Variants in XKR4 observed in about 807,000 individuals in gnomAD.
The protein encoded by XKR4 is XK related 4.
In XKR4, 12 loss-of-function variants were observed where a neutral mutation model predicts 53.9. The observed-to-expected ratio is 0.22, with a 90% CI of 0.14 to 0.36. The LOEUF is 0.36. Among genes scored for constraint, XKR4 ranks in the 10% least tolerant of loss-of-function variants. The pLI is 1.00. For missense variants in XKR4, 799 were observed against 859.5 expected, an observed-to-expected ratio of 0.93 and a Z score of 0.88; for synonymous variants, 354 against 362.4, an observed-to-expected ratio of 0.98 and a Z score of 0.26.
chr8:55,463,924 A>T (rs966239221), intron 2 of XKR4, among the ~76,000 whole-genome samples: 6 of 152,178 alleles, frequency 3.9e-5, no homozygotes, highest in Non-Finnish European at 8.8e-5. Context: ...AGACTAAACC[A>T]GGAGGAAGTT....
intron 1 of XKR4, among the ~76,000 whole-genome samples, chr8:55,210,698 G>C (rs2129363692): frequency 6.6e-6 from 1 of 152,324 alleles, no homozygotes; most frequent in Non-Finnish European, 1.5e-5. Context: ...CACAGGGTGA[G>C]GTTTAGAGCA....
In XKR4 at chr8:55,531,282, G is replaced by T. The variant is rs1437788710; in HGVS notation, c.*7055G>T. The T allele has an allele frequency of 1.3e-5, 2 of 152,166 alleles. No individual in the cohort carries two copies. The highest frequency in any genetic ancestry group is 4.8e-5 in the African/African-American group (2 of 41,434). 9.4% of individuals were successfully genotyped at this position (152,166 alleles called of 1,614,324 possible). The stretch of plus-strand genomic sequence containing the variant: ...CCTAGGCTACAAACCTGTACAGCAT[G>T]CTACTGTACCGAATACTGTAGGCAA... On this transcript the variant is annotated 3_prime_UTR_variant, in exon 3 of 3. Coordinates refer to ENST00000327381, the MANE Select transcript of XKR4 (RefSeq NM_052898.2).
chr8:55,474,827 C>T (rs371985427), intron 2 of XKR4, among the ~76,000 whole-genome samples: 16 of 152,220 alleles, frequency 1.1e-4, no homozygotes, highest in African/African-American at 3.9e-4. Context: ...TATATCTGGA[C>T]ACCCAGGCAC....
At chr8:55,338,282 T>C (rs951304822) in intron 1 of XKR4, among the ~76,000 whole-genome samples, 13 of 152,222 alleles carry the variant, frequency 8.5e-5, no homozygotes, top group Non-Finnish European at 1.6e-4. Context: ...AATAAAGTTA[T>C]TGATTCACTT....
chr8:55,437,776 G>A (rs1330253440), intron 2 of XKR4, among the ~76,000 whole-genome samples: 2 of 152,158 alleles, frequency 1.3e-5, no homozygotes, highest in East Asian at 3.8e-4. Flanking sequence ...ATTTAGATAT[G>A]TGAACAACAA....
At chr8:55,393,426 G>GGAAA (rs1804471175) in intron 2 of XKR4, among the ~76,000 whole-genome samples, 1 of 52,498 alleles carries the variant, frequency 1.9e-5, no homozygotes, top group African/African-American at 3.7e-5. Flanking sequence ...AAGGAAGGAA[G>GGAAA]GAAGGAAGGA....
chr8:55,527,089 A>G lies in XKR4; in HGVS notation c.*2862A>G, dbSNP rs534081267. 6.6e-6 allele frequency: 1 copy of G among 152,362 alleles called. No homozygotes were observed. Among genetic ancestry groups the G allele is most frequent in the East Asian group, 1.9e-4 (1 of 5,190 alleles). 9.4% of individuals were successfully genotyped at this position (152,362 alleles called of 1,614,324 possible). On this transcript the variant is annotated 3_prime_UTR_variant, in exon 3 of 3. Coordinates refer to ENST00000327381, the MANE Select transcript of XKR4 (RefSeq NM_052898.2). ...GCCTTGCTTCCATGATTCAGGAAGC[A>G]CTACACTGCCATCAGACTGTTGTGG...
At chr8:55,504,931 A>AT (rs1170197083) in intron 2 of XKR4, among the ~76,000 whole-genome samples, 1 of 152,028 alleles carries the variant, frequency 6.6e-6, no homozygotes, top group African/African-American at 2.4e-5. Context: ...GATTTTAATA[A>AT]TTGAGGTTCT....
rs532404316 is a variant in XKR4, at chr8:55,190,123, C to T, written c.806+86829C>T. On this transcript the variant is annotated intron_variant, in intron 1 of 2. Transcript: ENST00000327381. ...ATTTTGAGATGACTTTTTACTGGAG[C>T]ATGTCTATGAATGGAGCCTGTGAAG... is the stretch of plus-strand genomic sequence containing the variant. Among the ~76,000 whole-genome samples the T allele has an allele frequency of 2.0e-5, 3 of 152,258 alleles. No individual in the cohort carries two copies. The South Asian group carries it at 6.2e-4, about 32-fold the overall frequency.
intron 1 of XKR4, among the ~76,000 whole-genome samples, chr8:55,281,764 A>G (rs561268943): frequency 2.0e-5 from 3 of 152,324 alleles, no homozygotes; most frequent in Non-Finnish European, 2.9e-5. Flanking sequence ...AAAATCCCCA[A>G]ATGAAATCCT....
chr8:55,102,905 C>A lies in XKR4; in HGVS notation c.417C>A (p.Arg139=), dbSNP rs371460599. The A allele has an allele frequency of 6.2e-7, 1 of 1,612,076 alleles. No homozygotes were observed. The change falls in exon 1 of 3, where the codon CGC becomes CGA. Residue 139 remains arginine (R), a synonymous_variant. Transcript: ENST00000327381. The surrounding 1 kb of genome is among the most constrained non-coding windows in gnomAD (Gnocchi z 5.1). Reference sequence around the variant, plus strand: ...GGCTCGCCGTGGACTACTACCTGCGCGGCCAGCGCTGGTGGTTCGGGCTCA... The same window carrying A: ...GGCTCGCCGTGGACTACTACCTGCGAGGCCAGCGCTGGTGGTTCGGGCTCA... ...DVWLAVDYYL[R]GQRWWFGLTL...
chr8:55,467,306 C>A (rs962532294), intron 2 of XKR4, among the ~76,000 whole-genome samples: 1 of 152,098 alleles, frequency 6.6e-6, no homozygotes, highest in African/African-American at 2.4e-5. Context: ...TTAGACCAGC[C>A]CCACTGAGGA....
intron 2 of XKR4, among the ~76,000 whole-genome samples, chr8:55,479,770 C>A (rs1253898700): frequency 6.6e-6 from 1 of 152,142 alleles, no homozygotes; most frequent in African/African-American, 2.4e-5. Context: ...ACTATAAACA[C>A]CTCTACACAA....
chr8:55,357,090 A>C (rs1372784930), intron 1 of XKR4, among the ~76,000 whole-genome samples: 1 of 152,208 alleles, frequency 6.6e-6, no homozygotes, highest in Non-Finnish European at 1.5e-5. Flanking sequence ...GAGAGTCAAA[A>C]ATTATATGCA....
chr8:55,304,039 G>A (rs1340921845), intron 1 of XKR4, among the ~76,000 whole-genome samples: 2 of 152,028 alleles, frequency 1.3e-5, no homozygotes, highest in African/African-American at 2.4e-5. Context: ...CCTTCTGCTA[G>A]CTTTTGAATG....
At chr8:55,160,125 A>G (rs1317524984) in intron 1 of XKR4, among the ~76,000 whole-genome samples, 1 of 152,222 alleles carries the variant, frequency 6.6e-6, no homozygotes, top group Admixed American at 6.5e-5. Flanking sequence ...TGGAAGCATA[A>G]GGGTGTAGTC....
intron 1 of XKR4, among the ~76,000 whole-genome samples, chr8:55,305,834 T>G (rs1215105605): frequency 6.6e-6 from 1 of 152,178 alleles, no homozygotes; most frequent in Non-Finnish European, 1.5e-5. Flanking sequence ...GAAATGATCT[T>G]ACCATTGCCC....
chr8:55,217,362 C>T (rs1585945707), intron 1 of XKR4, among the ~76,000 whole-genome samples: 1 of 151,740 alleles, frequency 6.6e-6, no homozygotes, highest in African/African-American at 2.4e-5. Context: ...ATTTAAACTA[C>T]AAAGTGACAC....
chr8:55,134,512 A>G (rs12682291), intron 1 of XKR4, among the ~76,000 whole-genome samples: 32,686 of 152,194 alleles, frequency 0.21, 4,419 homozygotes, highest in South Asian at 0.34. Context: ...TCATTCATGC[A>G]TTCACTCTCT....
Sources: gnomAD v4.1 joint callset for allele counts (sites outside exome capture counted in the v4.1 genomes callset) on GRCh38, gnomAD v4.1.1 for gene constraint, Gnocchi (gnomAD v3.1) non-coding constraint, MANE v1.5 for transcripts, NCBI Gene and HGNC (gene_info 2026-07-23, HGNC 2026-07-21) for gene names.